INTS8: variants seen among roughly 807,000 people sequenced by gnomAD.
INTS8 encodes the protein protein kaonashi-1.
INTS8 carries 47 observed loss-of-function variants against 138.9 expected under a neutral mutation model. The observed-to-expected ratio is 0.34, with a 90% CI of 0.27 to 0.43. INTS8 has a LOEUF of 0.43. Among genes scored for constraint, INTS8 ranks in the 20% least tolerant of loss-of-function variants. The pLI is 1.00. For missense variants in INTS8, 996 were observed against 1,173.0 expected, an observed-to-expected ratio of 0.85 and a Z score of 2.20; for synonymous variants, 392 against 400.9, an observed-to-expected ratio of 0.98 and a Z score of 0.27.
chr8:94,832,668 T>G (rs559026401), intron 6 of INTS8, among the ~76,000 whole-genome samples: 240 of 151,974 alleles, frequency 1.6e-3, no homozygotes, highest in African/African-American at 5.5e-3. Flanking sequence ...TTTTGTTTTT[T>G]TTTTGAGACG....
At chr8:94,842,318 A>C in intron 9 of INTS8, 29 bp from the exon 10 acceptor site, 1 of 1,457,264 alleles carries the variant, frequency 6.9e-7, no homozygotes, top group Non-Finnish European at 9.4e-7. Flanking sequence ...TAAAAATAAC[A>C]TTAGTTGATC....
intron 14 of INTS8, 75 bp downstream of exon 14, chr8:94,853,990 A>G: frequency 2.3e-6 from 2 of 862,924 alleles, no homozygotes; most frequent in South Asian, 1.4e-5. Context: ...TACCTGTAAT[A>G]CCAGCACTTT....
At chr8:94,857,071 CTTTTTTT>C in intron 15 of INTS8, 93 bp downstream of exon 15, 3 of 546,612 alleles carry the variant, frequency 5.5e-6, no homozygotes, top group Non-Finnish European at 6.1e-6. Flanking sequence ...AGTTTGTAAT[CTTTTTTT>C]TTTTTTTTTT....
Position 94,880,613 on chromosome 8 carries a change from ATATT to A in INTS8, c.*382_*385del. 5.5e-6 allele frequency: 2 copies of A among 363,900 alleles called. No individual in the cohort carries two copies. Among genetic ancestry groups the A allele is most frequent in the East Asian group, 4.1e-5 (1 of 24,560 alleles). 22.5% of individuals were successfully genotyped at this position (363,900 alleles called of 1,614,324 possible). On this transcript the variant is annotated 3_prime_UTR_variant, in exon 27 of 27. Transcript: ENST00000523731. ...TAAATAGATTTCTAGGAGTCAGTATATATTTAATACTCTTCTTCCTTAAGAAAAT... is the reference window on the plus strand; with the variant it reads ...TAAATAGATTTCTAGGAGTCAGTATATAATACTCTTCTTCCTTAAGAAAAT...
chr8:94,870,794 T>C (rs372618041), intron 20 of INTS8, among the ~76,000 whole-genome samples: 2 of 152,216 alleles, frequency 1.3e-5, no homozygotes, highest in Admixed American at 1.3e-4. Flanking sequence ...TTGTAAATGA[T>C]AGAGCCATGC....
At chr8:94,875,880 G>A (rs1816548295) in intron 23 of INTS8, 194 bp from the exon 24 acceptor site, 1 of 509,338 alleles carries the variant, frequency 2.0e-6, no homozygotes, top group Non-Finnish European at 3.5e-6. Context: ...ATTTGTGGTT[G>A]AGGTCACTGA....
chr8:94,876,612 G>T, intron 26 of INTS8, 123 bp downstream of exon 26: 1 of 562,982 alleles, frequency 1.8e-6, no homozygotes, highest in Non-Finnish European at 3.1e-6. Flanking sequence ...TATTATCAGT[G>T]TTTACTTTAT....
chr8:94,870,057 A>T (rs186722351), intron 20 of INTS8, among the ~76,000 whole-genome samples: 5,295 of 147,376 alleles, frequency 0.036, 93 homozygotes, highest in Admixed American at 0.051. Flanking sequence ...TTATTTATTT[A>T]TTTTTTTTTT....
chr8:94,862,091 C>T (rs1259597018), intron 16 of INTS8, among the ~76,000 whole-genome samples: 2 of 152,030 alleles, frequency 1.3e-5, no homozygotes, highest in Non-Finnish European at 1.5e-5. Flanking sequence ...CAGGCATGCA[C>T]CACCACACCC....
At chr8:94,832,203 G>A in intron 6 of INTS8, 29 bp downstream of exon 6, 1 of 1,577,388 alleles carries the variant, frequency 6.3e-7, no homozygotes, top group Non-Finnish European at 8.6e-7. Context: ...ATTTACGTAG[G>A]GCAATTTTTT....
Position 94,823,365 on chromosome 8 carries a change from C to A in INTS8, c.-67C>A. The A allele has an allele frequency of 6.7e-7, 1 of 1,502,464 alleles. No homozygotes were observed. Among genetic ancestry groups the A allele is most frequent in the South Asian group, 1.3e-5 (1 of 77,694 alleles). 93.1% of individuals were successfully genotyped at this position (1,502,464 alleles called of 1,614,324 possible). A position where few individuals can be genotyped will look rare whatever the true frequency, so the allele number is the denominator to read the frequency against. ...ACCGGGTTCCGCATACCCCAGGCAC[C>A]GGCCCGCATCCAAGTGTCAGGTTGG... On this transcript the variant is annotated 5_prime_UTR_variant, in exon 1 of 27. Transcript: ENST00000523731.
intron 4 of INTS8, among the ~76,000 whole-genome samples, chr8:94,828,078 C>T (rs1314626378): frequency 2.7e-5 from 4 of 149,808 alleles, no homozygotes; most frequent in African/African-American, 7.4e-5. Flanking sequence ...CTCACTCTGT[C>T]GCCCAGGCTG....
chr8:94,869,361 C>CT (rs2131067080), intron 20 of INTS8, among the ~76,000 whole-genome samples: 1 of 152,158 alleles, frequency 6.6e-6, no homozygotes, highest in African/African-American at 2.4e-5. Context: ...AAGTCTCACT[C>CT]TGTTACCCAA....
chr8:94,878,274 T>C (rs1816636806), intron 26 of INTS8, among the ~76,000 whole-genome samples: 1 of 152,202 alleles, frequency 6.6e-6, no homozygotes. Context: ...TGGACTCTAA[T>C]TTTTAGACTT....
intron 8 of INTS8, among the ~76,000 whole-genome samples, chr8:94,840,672 C>T (rs931959162): frequency 6.6e-6 from 1 of 151,270 alleles, no homozygotes; most frequent in Non-Finnish European, 1.5e-5. Context: ...ATTCTTCTGC[C>T]TCAGCCTCCC....
In INTS8 at chr8:94,859,606, T is replaced by C. The variant is rs762853153; in HGVS notation, c.2050T>C (p.Leu684=). The change falls in exon 16 of 27, where the codon TTG becomes CTG. Residue 684 remains leucine (L), a synonymous_variant. Coordinates refer to ENST00000523731, the MANE Select transcript of INTS8 (RefSeq NM_017864.4). ...CCTTACACTCCAAGTTCCTGCATTT[T>C]TGCTTCAGAGTAATCCATATGTAAA... ...EYLTLQVPAF[L]LQSNPYVKLG... is the part of the protein sequence containing the mutation. The C allele has an allele frequency of 6.2e-7, 1 of 1,612,030 alleles. No individual in the cohort carries two copies. The highest frequency in any genetic ancestry group is 2.2e-5 in the East Asian group (1 of 44,812).
At chr8:94,857,639 T>C (rs1374893058) in intron 15 of INTS8, among the ~76,000 whole-genome samples, 2 of 152,230 alleles carry the variant, frequency 1.3e-5, no homozygotes. Context: ...TCCTAGCTTC[T>C]GGTGACCCAG....
At chr8:94,852,879 AT>A (rs1815602221) in intron 13 of INTS8, among the ~76,000 whole-genome samples, 1 of 152,124 alleles carries the variant, frequency 6.6e-6, no homozygotes. Flanking sequence ...AAGTGCTGGG[AT>A]TATAGGCATG....
chr8:94,827,838 A>C (rs1185293815), intron 4 of INTS8, 45 bp downstream of exon 4: 1 of 1,468,644 alleles, frequency 6.8e-7, no homozygotes, highest in South Asian at 1.2e-5. Flanking sequence ...TTTTCATTGG[A>C]GTTTTAAAAA....
Sources: gnomAD v4.1 joint callset for allele counts (sites outside exome capture counted in the v4.1 genomes callset) on GRCh38, gnomAD v4.1.1 for gene constraint, MANE v1.5 for transcripts, NCBI Gene and HGNC (gene_info 2026-07-23, HGNC 2026-07-21) for gene names.